The following NOL4 variants were observed in gnomAD, a reference collection of about 807,000 sequenced individuals.
NOL4 encodes cancer/testis antigen 125.
A neutral mutation model predicts 75.9 loss-of-function variants in NOL4; 17 were observed. The ratio of observed to expected loss-of-function variants is 0.22; its 90% CI spans 0.15 to 0.34. NOL4 has a LOEUF of 0.34. Among genes scored for constraint, NOL4 ranks in the 10% least tolerant of loss-of-function variants. The pLI is 1.00. For synonymous variants in NOL4, 292 were observed against 289.9 expected (o/e 1.01, Z -0.07); for missense variants, 614 against 793.5 (o/e 0.77, Z 2.72).
chr18:33,891,777 T>C (rs116612763), intron 9 of NOL4, among the ~76,000 whole-genome samples: 314 of 152,318 alleles, frequency 2.1e-3, no homozygotes, highest in African/African-American at 7.2e-3. Flanking sequence ...AGATACATTT[T>C]TTAAAAATTC....
In NOL4 at chr18:34,133,841, G is replaced by A. The variant is rs1243796801; in HGVS notation, c.265-3821C>T. Among the ~76,000 whole-genome samples the A allele has an allele frequency of 2.0e-5, 3 of 152,208 alleles. No individual in the cohort carries two copies. The East Asian group carries it at 5.8e-4, about 29-fold the overall frequency. On this transcript the variant is annotated intron_variant, in intron 1 of 10. Transcript: ENST00000261592. ...GTTCAAGACCCGCCTGGCCAATATG[G>A]TGAAACCCCTTCTCTACTAAAAAAT...
At chr18:34,062,326 A>G (rs1037745094) in intron 5 of NOL4, among the ~76,000 whole-genome samples, 3 of 152,138 alleles carry the variant, frequency 2.0e-5, no homozygotes, top group Non-Finnish European at 4.4e-5. Flanking sequence ...TAGAAGAGAC[A>G]TAATAAGAGA....
chr18:33,950,694 A>G (rs544158933), intron 8 of NOL4, among the ~76,000 whole-genome samples: 2 of 152,296 alleles, frequency 1.3e-5, no homozygotes, highest in Admixed American at 6.5e-5. Flanking sequence ...AAGATGTACC[A>G]CAAAGTACAA....
At chr18:33,879,832 A>T (rs1377373041) in intron 10 of NOL4, among the ~76,000 whole-genome samples, 1 of 151,996 alleles carries the variant, frequency 6.6e-6, no homozygotes, top group African/African-American at 2.4e-5. Context: ...AGCCTTGAGC[A>T]TATCTCTTTC....
intron 5 of NOL4, among the ~76,000 whole-genome samples, chr18:34,051,986 G>C (rs28524022): frequency 1.9e-4 from 29 of 152,134 alleles, no homozygotes; most frequent in African/African-American, 5.5e-4. Context: ...CTAGGAAAAA[G>C]AGTGGCCAAC....
chr18:34,049,089 C>T (rs1420514188), intron 5 of NOL4, among the ~76,000 whole-genome samples: 1 of 142,176 alleles, frequency 7.0e-6, no homozygotes, highest in Admixed American at 7.1e-5. Flanking sequence ...CACACACACA[C>T]ACACACACAC....
At chr18:34,040,048 C>T (rs1048439274) in intron 5 of NOL4, among the ~76,000 whole-genome samples, 3 of 151,978 alleles carry the variant, frequency 2.0e-5, no homozygotes, top group African/African-American at 7.2e-5. Flanking sequence ...ATATCAAACC[C>T]ATTTTGATTT....
chr18:33,852,449 T>G lies in NOL4; in HGVS notation c.*393A>C, dbSNP rs1022215634. On this transcript the variant is annotated 3_prime_UTR_variant, in exon 11 of 11. Transcript: ENST00000261592. ...CTTTTTTTTTTCTTTTTTTTTTTTT[T>G]GCCAGGTACTTCAGCTTTCAGTCCA... The G allele has an allele frequency of 6.5e-6, 1 of 153,486 alleles. No homozygotes were observed. The highest frequency in any genetic ancestry group is 1.4e-5 in the Non-Finnish European group (1 of 69,312). The allele number at this position is 153,486 out of a possible 1,614,324, so 9.5% of individuals were successfully genotyped here.
chr18:33,987,791 C>G (rs2072580194), intron 6 of NOL4, among the ~76,000 whole-genome samples: 1 of 152,082 alleles, frequency 6.6e-6, no homozygotes, highest in Admixed American at 6.6e-5. Context: ...CTAGCAGCCA[C>G]CTAGAAGGAA....
intron 4 of NOL4, among the ~76,000 whole-genome samples, chr18:34,099,376 A>AAAAAAAAAAAAAAAAAAG (rs1283092250): frequency 2.0e-5 from 3 of 150,140 alleles, no homozygotes; most frequent in Non-Finnish European, 3.0e-5. Context: ...AAAAAAAAAA[A>AAAAAAAAAAAAAAAAAAG]AGACAACTAC....
intron 6 of NOL4, among the ~76,000 whole-genome samples, chr18:33,962,776 A>G (rs2070254145): frequency 6.6e-6 from 1 of 152,138 alleles, no homozygotes; most frequent in South Asian, 2.1e-4. Context: ...AATGTGAAAT[A>G]TTTAAAAATG....
intron 1 of NOL4, among the ~76,000 whole-genome samples, chr18:34,186,168 G>A (rs916402007): frequency 1.3e-4 from 20 of 152,044 alleles, no homozygotes; most frequent in African/African-American, 4.3e-4. Flanking sequence ...AAATATGAAT[G>A]TTCTCCATGT....
At chr18:34,158,013 T>A (rs1008626320) in intron 1 of NOL4, among the ~76,000 whole-genome samples, 2 of 151,932 alleles carry the variant, frequency 1.3e-5, no homozygotes, top group African/African-American at 4.8e-5. Context: ...CTATCAGCTT[T>A]AAAAAAAAGA....
intron 5 of NOL4, chr18:34,048,726 G>T: frequency 2.5e-6 from 1 of 395,476 alleles, no homozygotes; most frequent in Non-Finnish European, 3.4e-6. Context: ...CAGGGCTATG[G>T]GCTCCTTCCT....
intron 4 of NOL4, among the ~76,000 whole-genome samples, 169 bp downstream of exon 4, chr18:34,103,878 G>C (rs1237912053): frequency 6.6e-6 from 1 of 151,952 alleles, no homozygotes; most frequent in African/African-American, 2.4e-5. Context: ...TCTGTATTGT[G>C]GACTAGGAGT....
chr18:34,128,992 G>A, intron 2 of NOL4: 1 of 246,092 alleles, frequency 4.1e-6, no homozygotes. Context: ...TTCTCAAAAA[G>A]GATATTATTC....
chr18:34,190,628 G>A (rs1045653925), intron 1 of NOL4, among the ~76,000 whole-genome samples: 3 of 151,620 alleles, frequency 2.0e-5, no homozygotes, highest in Non-Finnish European at 4.4e-5. Context: ...CATAAATTGA[G>A]TAGAACAGGT....
At chr18:34,207,823 T>G (rs972125961) in intron 1 of NOL4, among the ~76,000 whole-genome samples, 1 of 152,050 alleles carries the variant, frequency 6.6e-6, no homozygotes, top group African/African-American at 2.4e-5. Flanking sequence ...AGGGAACTTC[T>G]GTTTTCTGTT....
At chr18:33,888,850 C>T (rs961303913) in intron 9 of NOL4, among the ~76,000 whole-genome samples, 1 of 152,140 alleles carries the variant, frequency 6.6e-6, no homozygotes, top group African/African-American at 2.4e-5. Flanking sequence ...AGTCAGGTAG[C>T]ATTTTGCCTC....
Sources: gnomAD v4.1 joint callset for allele counts (sites outside exome capture counted in the v4.1 genomes callset) on GRCh38, gnomAD v4.1.1 for gene constraint, MANE v1.5 for transcripts, NCBI Gene and HGNC (gene_info 2026-07-23, HGNC 2026-07-21) for gene names.